Variants in SRL observed in about 807,000 individuals in gnomAD.
The protein encoded by SRL is sarcalumenin.
Under a neutral mutation model 39.5 loss-of-function variants are expected in SRL, and 23 were observed. The observed-to-expected ratio is 0.58, with a 90% CI of 0.42 to 0.82. The LOEUF is 0.82. Among genes scored for constraint, SRL ranks in the 40% least tolerant of loss-of-function variants. The pLI is 0.00. For synonymous variants in SRL, 272 were observed against 237.4 expected, an observed-to-expected ratio of 1.15 and a Z score of -1.34; for missense variants, 592 against 607.8, an observed-to-expected ratio of 0.97 and a Z score of 0.27.
rs1281417324 is a variant in SRL, at chr16:4,192,775, C to A, written c.800G>T (p.Arg267Leu). 1 of 1,614,168 alleles carries A rather than the reference C, an allele frequency of 6.2e-7. No homozygotes were observed. The highest frequency in any genetic ancestry group is 8.5e-7 in the Non-Finnish European group (1 of 1,180,050). The change falls in exon 6 of 6, where the codon CGG (arginine) becomes CTG (leucine). Residue 267 changes from arginine to leucine, a missense_variant. Transcript: ENST00000399609. The surrounding 1 kb of genome is among the most constrained non-coding windows in gnomAD (Gnocchi z 4.0). ...GCTCCAGAAGAGGGCCCCGTAAACC[C>A]GCATGAGCATTTGGGTGGCCAGATT... ...ADNLATQMLM[R>L]VYGALFWSLA...
rs770333821 is a variant in SRL, at chr16:4,204,586, T to C, written c.110A>G (p.His37Arg). The change falls in exon 2 of 6, where the codon CAC becomes CGC. Residue 37 changes from histidine to arginine, a missense_variant. Transcript: ENST00000399609. ...ATTCAGCATGAGGGTCTTCTCGATG[T>C]GGGAGCGGTCCCTCAATGGGGCTTC... ...NEEAPLRDRS[H>R]IEKTLMLNED... 2.5e-6 allele frequency: 4 copies of C among 1,614,216 alleles called. No individual in the cohort carries two copies. The East Asian group carries it at 6.7e-5, about 27-fold the overall frequency.
chr16:4,193,089 C>T, intron 5 of SRL, 125 bp from the exon 6 acceptor site: 4 of 795,864 alleles, frequency 5.0e-6, no homozygotes, highest in Non-Finnish European at 7.8e-6. Context: ...TTCTGGGTTT[C>T]TACAGACTAT....
At chr16:4,198,225 C>A (rs997771443) in intron 3 of SRL, among the ~76,000 whole-genome samples, 1 of 152,212 alleles carries the variant, frequency 6.6e-6, no homozygotes, top group African/African-American at 2.4e-5. Flanking sequence ...CTGGTTAAAT[C>A]TGGAGGAGAA....
intron 1 of SRL, among the ~76,000 whole-genome samples, chr16:4,233,224 T>G (rs1368903440): frequency 1.3e-5 from 2 of 152,172 alleles, no homozygotes; most frequent in Non-Finnish European, 2.9e-5. Context: ...AGCCCCACAC[T>G]CTAGCCAGAG....
chr16:4,198,368 G>GCTCTC (rs2052177508), intron 3 of SRL, among the ~76,000 whole-genome samples: 2 of 152,204 alleles, frequency 1.3e-5, no homozygotes, highest in Non-Finnish European at 2.9e-5. Flanking sequence ...AGCCTCTGCA[G>GCTCTC]CTCTCCTCTC....
intron 1 of SRL, among the ~76,000 whole-genome samples, chr16:4,241,422 GC>G (rs1243588696): frequency 6.6e-6 from 1 of 152,168 alleles, no homozygotes; most frequent in Non-Finnish European, 1.5e-5. Context: ...TCCAGAACGG[GC>G]CCCGTTCCTC....
chr16:4,228,114 G>A (rs573780888), intron 1 of SRL, among the ~76,000 whole-genome samples: 37 of 152,358 alleles, frequency 2.4e-4, no homozygotes, highest in South Asian at 1.9e-3. Flanking sequence ...TTCCTGGACC[G>A]GGCCTCCCTG....
chr16:4,191,966 T>C lies in SRL; in HGVS notation c.*187A>G. 3 of 580,252 alleles carry C rather than the reference T, an allele frequency of 5.2e-6. No homozygotes were observed. The highest frequency in any genetic ancestry group is 2.9e-5 in the South Asian group (1 of 34,462). The allele number at this position is 580,252 out of a possible 1,614,324, so 35.9% of individuals were successfully genotyped here. A position where few individuals can be genotyped will look rare whatever the true frequency, so the allele number is the denominator to read the frequency against. ...AAGCAACAAGACAAGCACACAGGAA[T>C]TCACAGTTTCCACTCTCCTCCCTAG... On this transcript the variant is annotated 3_prime_UTR_variant, in exon 6 of 6. Transcript: ENST00000399609.
Position 4,235,777 on chromosome 16 carries a change from C to T in SRL, c.61+6230G>A, listed in dbSNP as rs114916148. 8.6e-3 allele frequency among the ~76,000 whole-genome samples: 1,312 copies of T among 152,284 alleles called. 12 individuals are homozygous for T. Among genetic ancestry groups the T allele is most frequent in the African/African-American group, 0.029 (1,216 of 41,558 alleles). On this transcript the variant is annotated intron_variant, in intron 1 of 5. Coordinates refer to ENST00000399609, the MANE Select transcript of SRL (RefSeq NM_001098814.2). ...AGTAACTCAGGCCACATATCCACCGCGCCAATTTCCACTTAAAAAAGCTAG... is the reference window on the plus strand; with the variant it reads ...AGTAACTCAGGCCACATATCCACCGTGCCAATTTCCACTTAAAAAAGCTAG...
At chr16:4,238,478 A>G (rs991607354) in intron 1 of SRL, among the ~76,000 whole-genome samples, 5 of 152,286 alleles carry the variant, frequency 3.3e-5, no homozygotes, top group Non-Finnish European at 5.9e-5. Context: ...AGCGGGTAAA[A>G]GCACTGGCCA....
chr16:4,239,793 A>T (rs1164178842), intron 1 of SRL: 1 of 152,266 alleles, frequency 6.6e-6, no homozygotes, highest in Non-Finnish European at 1.5e-5. Context: ...CCTTCCCTGG[A>T]TGGTGGGGAG....
At chr16:4,207,852 G>A in intron 1 of SRL, 1 of 456,512 alleles carries the variant, frequency 2.2e-6, no homozygotes, top group Non-Finnish European at 4.4e-6. Flanking sequence ...AGGTGGAGGT[G>A]ACTCTGTGGC....
At chr16:4,204,271 T>G (rs958105577) in intron 2 of SRL, among the ~76,000 whole-genome samples, 2 of 152,152 alleles carry the variant, frequency 1.3e-5, no homozygotes, top group Admixed American at 1.3e-4. Flanking sequence ...CACCAGGCCG[T>G]CTACTTGGAT....
At chr16:4,233,077 G>A (rs1312956682) in intron 1 of SRL, among the ~76,000 whole-genome samples, 2 of 152,350 alleles carry the variant, frequency 1.3e-5, no homozygotes, top group African/African-American at 2.4e-5. Flanking sequence ...AGAGAGCGGG[G>A]AATAGGGAGG....
In SRL at chr16:4,220,559, G is replaced by A. The variant is rs76319113; in HGVS notation, c.62-15925C>T. On this transcript the variant is annotated intron_variant, in intron 1 of 5. Transcript: ENST00000399609. ...AGACACATGGGGATGCACTTTCCTG[G>A]GTGAGCTGCAGGCTCCATCCCGCCC... 1.1e-3 allele frequency among the ~76,000 whole-genome samples: 163 copies of A among 152,242 alleles called. 1 individual carries two copies. In the Middle Eastern group the frequency reaches 0.014, roughly 13 times the overall value.
chr16:4,229,675 G>A (rs914039804), intron 1 of SRL, among the ~76,000 whole-genome samples: 1 of 151,740 alleles, frequency 6.6e-6, no homozygotes, highest in Non-Finnish European at 1.5e-5. Context: ...CTACCTATTG[G>A]GTACTATGTT....
chr16:4,241,908 C>T, intron 1 of SRL, 99 bp downstream of exon 1: 1 of 1,317,748 alleles, frequency 7.6e-7, no homozygotes, highest in Non-Finnish European at 1.1e-6. Context: ...CAGGGTTTGC[C>T]ATCAGCCCCG....
At chr16:4,193,951 T>C (rs1179459117) in intron 5 of SRL, among the ~76,000 whole-genome samples, 2 of 150,278 alleles carry the variant, frequency 1.3e-5, no homozygotes, top group Non-Finnish European at 3.0e-5. Context: ...ACTATAATAT[T>C]ATTACTAATA....
chr16:4,207,147 C>A (rs1262747679), intron 1 of SRL: 2 of 456,694 alleles, frequency 4.4e-6, no homozygotes, highest in South Asian at 1.5e-5. Context: ...TTCTTCTGAG[C>A]TAGCCCCATC....
Sources: allele counts gnomAD v4.1 joint callset (sites outside exome capture counted in the v4.1 genomes callset), GRCh38; gene constraint gnomAD v4.1.1; non-coding constraint Gnocchi (gnomAD v3.1); transcripts MANE v1.5; gene names NCBI Gene and HGNC (gene_info 2026-07-23, HGNC 2026-07-21).